Variants in VPS13B observed in about 807,000 individuals in gnomAD.
VPS13B encodes intermembrane lipid transfer protein VPS13B.
Under a neutral mutation model 426.4 loss-of-function variants are expected in VPS13B, and 285 were observed. The observed-to-expected ratio is 0.67, with a 90% CI of 0.61 to 0.74. The LOEUF is 0.74. Among genes scored for constraint, VPS13B ranks in the 30% least tolerant of loss-of-function variants. The pLI, the probability that VPS13B is intolerant of heterozygous loss-of-function variation, is 0.00. For missense variants in VPS13B, 4,537 were observed against 4,782.6 expected (o/e 0.95, Z 1.51); for synonymous variants, 1,676 against 1,676.4 (o/e 1.00, Z 0.01).
chr8:99,660,394 A>G (rs1330437555), intron 34 of VPS13B, among the ~76,000 whole-genome samples: 1 of 152,188 alleles, frequency 6.6e-6, no homozygotes, highest in Non-Finnish European at 1.5e-5. Flanking sequence ...TAAAATAAAT[A>G]ATACTTTAAT....
chr8:99,256,827 A>T (rs1817767313), intron 17 of VPS13B, among the ~76,000 whole-genome samples: 1 of 152,034 alleles, frequency 6.6e-6, no homozygotes, highest in Non-Finnish European at 1.5e-5. Context: ...ATTTTCTCAG[A>T]TTGTTTCCCT....
intron 24 of VPS13B, among the ~76,000 whole-genome samples, chr8:99,475,940 T>C (rs3134163): frequency 0.93 from 142,339 of 152,276 alleles, 66,657 homozygotes; most frequent in African/African-American, 0.98. Context: ...TTTATAAATC[T>C]CATAAAATCC....
chr8:99,421,352 T>G (rs1249986464), intron 21 of VPS13B, among the ~76,000 whole-genome samples: 2 of 152,230 alleles, frequency 1.3e-5, no homozygotes, highest in African/African-American at 4.8e-5. Flanking sequence ...TTTATGTAGC[T>G]CTAGTGGGAA....
intron 43 of VPS13B, chr8:99,799,062 A>C (rs573330107): frequency 3.9e-5 from 6 of 152,210 alleles, no homozygotes; most frequent in Non-Finnish European, 8.8e-5. Context: ...TACCTATTAT[A>C]CTGTGGCACT....
At chr8:99,834,546 A>ATT (rs554743714) in intron 52 of VPS13B, among the ~76,000 whole-genome samples, 1 of 145,754 alleles carries the variant, frequency 6.9e-6, no homozygotes, top group South Asian at 2.1e-4. Context: ...TTTATTTTTT[A>ATT]TTTTTTTTGA....
At chr8:99,212,443 C>T (rs1459951026) in intron 17 of VPS13B, among the ~76,000 whole-genome samples, 2 of 152,148 alleles carry the variant, frequency 1.3e-5, no homozygotes, top group African/African-American at 4.8e-5. Context: ...GGAAAGTGTG[C>T]TGTGAGCCTA....
At chr8:99,068,714 G>A (rs1844684492) in intron 3 of VPS13B, among the ~76,000 whole-genome samples, 1 of 152,156 alleles carries the variant, frequency 6.6e-6, no homozygotes, top group South Asian at 2.1e-4. Flanking sequence ...GGCAGCAGGG[G>A]TGGGGGGAAT....
At chr8:99,379,918 C>A (rs1414937297) in intron 19 of VPS13B, among the ~76,000 whole-genome samples, 1 of 151,974 alleles carries the variant, frequency 6.6e-6, no homozygotes. Flanking sequence ...GATCTTTTAA[C>A]CCTTGAGATT....
chr8:99,389,301 C>A (rs1336105551), intron 20 of VPS13B, among the ~76,000 whole-genome samples: 1 of 152,106 alleles, frequency 6.6e-6, no homozygotes, highest in African/African-American at 2.4e-5. Context: ...TTGCATCTTT[C>A]AGCTATTGTG....
intron 17 of VPS13B, among the ~76,000 whole-genome samples, chr8:99,235,986 G>T (rs898408923): frequency 1.3e-5 from 2 of 151,964 alleles, no homozygotes; most frequent in African/African-American, 2.4e-5. Flanking sequence ...AAACAGCTGC[G>T]TAGTATCCGA....
At chr8:99,060,010 A>G (rs1418361199) in intron 3 of VPS13B, among the ~76,000 whole-genome samples, 1 of 152,170 alleles carries the variant, frequency 6.6e-6, no homozygotes, top group Non-Finnish European at 1.5e-5. Flanking sequence ...TGCTGGGATT[A>G]TAGGCGTGAG....
At chr8:99,609,306 C>T (rs955919879) in intron 33 of VPS13B, among the ~76,000 whole-genome samples, 19 of 152,156 alleles carry the variant, frequency 1.2e-4, no homozygotes, top group African/African-American at 4.1e-4. Flanking sequence ...TCAAAATTCA[C>T]ATTGGTTAAT....
chr8:99,528,338 T>G (rs906253293), intron 30 of VPS13B, among the ~76,000 whole-genome samples: 23 of 152,100 alleles, frequency 1.5e-4, no homozygotes, highest in African/African-American at 5.5e-4. Flanking sequence ...CATTCATTGA[T>G]TAATTCATTT....
At chr8:99,545,844 A>G (rs991703336) in intron 30 of VPS13B, among the ~76,000 whole-genome samples, 2 of 152,116 alleles carry the variant, frequency 1.3e-5, no homozygotes, top group Non-Finnish European at 2.9e-5. Flanking sequence ...ATGTATGGCA[A>G]TTGAAGGGCA....
chr8:99,055,258 C>T (rs1046256463), intron 3 of VPS13B, among the ~76,000 whole-genome samples: 3 of 152,052 alleles, frequency 2.0e-5, no homozygotes, highest in South Asian at 2.1e-4. Flanking sequence ...AGGCTGATCT[C>T]GAATTCCTGA....
intron 39 of VPS13B, among the ~76,000 whole-genome samples, chr8:99,748,102 T>G (rs577562818): frequency 3.9e-5 from 6 of 152,094 alleles, no homozygotes; most frequent in Non-Finnish European, 8.8e-5. Flanking sequence ...ATCCCCTAAA[T>G]AGCTAATTAG....
chr8:99,242,565 TA>T (rs1285589656), intron 17 of VPS13B, among the ~76,000 whole-genome samples: 6 of 152,320 alleles, frequency 3.9e-5, no homozygotes, highest in African/African-American at 1.4e-4. Flanking sequence ...TAGAAAATTT[TA>T]ATGGTAATGT....
intron 33 of VPS13B, among the ~76,000 whole-genome samples, chr8:99,630,926 G>A (rs1014146500): frequency 6.6e-5 from 10 of 152,074 alleles, no homozygotes; most frequent in African/African-American, 2.4e-4. Flanking sequence ...ATGAAGGAAT[G>A]ACCAATAGTA....
chr8:99,875,255 C>CGTTGCCATATCTCA (rs1401530122), intron 61 of VPS13B, among the ~76,000 whole-genome samples, 163 bp from the exon 62 acceptor site: 3 of 152,178 alleles, frequency 2.0e-5, no homozygotes, highest in Non-Finnish European at 4.4e-5. Flanking sequence ...GCATTGTTAT[C>CGTTGCCATATCTCA]GTTGCCATAT....
Sources: allele counts gnomAD v4.1 joint callset (sites outside exome capture counted in the v4.1 genomes callset), GRCh38; gene constraint gnomAD v4.1.1; transcripts MANE v1.5; gene names NCBI Gene and HGNC (gene_info 2026-07-23, HGNC 2026-07-21).